The following CSMD1 variants were observed in gnomAD, a reference collection of about 807,000 sequenced individuals.
The protein encoded by CSMD1 is CUB and sushi domain-containing protein 1.
CSMD1 carries 213 observed loss-of-function variants against 417.5 expected under a neutral mutation model. The ratio of observed to expected loss-of-function variants is 0.51; its 90% confidence interval spans 0.46 to 0.57. CSMD1 has a LOEUF of 0.57. Among genes scored for constraint, CSMD1 ranks in the 20% least tolerant of loss-of-function variants. The pLI is 0.00. For missense variants in CSMD1, 6,923 were observed against 4,529.7 expected (o/e 1.53, Z -15.17); for synonymous variants, 2,862 against 1,736.8 (o/e 1.65, Z -16.11).
At chr8:4,412,545 C>T (rs917904622) in intron 3 of CSMD1, among the ~76,000 whole-genome samples, 19 of 152,192 alleles carry the variant, frequency 1.2e-4, no homozygotes, top group Admixed American at 3.9e-4. Flanking sequence ...ACCCAGTCTC[C>T]GGTATTTCTT....
intron 1 of CSMD1, among the ~76,000 whole-genome samples, chr8:4,989,939 G>A (rs771677273): frequency 3.7e-4 from 56 of 152,280 alleles, no homozygotes; most frequent in Non-Finnish European, 6.2e-4. Context: ...CATTGCCCCC[G>A]GGAGGAGCTG....
At chr8:4,199,806 C>G (rs1254428681) in intron 3 of CSMD1, among the ~76,000 whole-genome samples, 1 of 152,056 alleles carries the variant, frequency 6.6e-6, no homozygotes, top group Non-Finnish European at 1.5e-5. Context: ...AATCGGATGA[C>G]TTTTGTAGGT....
At chr8:3,360,716 TA>T (rs951528076) in intron 20 of CSMD1, among the ~76,000 whole-genome samples, 2 of 152,064 alleles carry the variant, frequency 1.3e-5, no homozygotes, top group Non-Finnish European at 2.9e-5. Flanking sequence ...CTAATCTTTC[TA>T]AAAAAAATTA....
intron 2 of CSMD1, among the ~76,000 whole-genome samples, chr8:4,487,816 G>C (rs1010546332): frequency 6.2e-5 from 6 of 96,762 alleles, no homozygotes; most frequent in South Asian, 3.3e-4. Context: ...TTAGGCAAGA[G>C]AGAGATAACA....
At chr8:3,497,752 C>T (rs1036127008) in intron 10 of CSMD1, among the ~76,000 whole-genome samples, 3 of 152,184 alleles carry the variant, frequency 2.0e-5, no homozygotes, top group African/African-American at 4.8e-5. Context: ...TATATTGTCA[C>T]TTGGTTATTT....
chr8:4,919,421 A>G (rs1213640377), intron 1 of CSMD1, among the ~76,000 whole-genome samples: 1 of 152,198 alleles, frequency 6.6e-6, no homozygotes, highest in Non-Finnish European at 1.5e-5. Flanking sequence ...AAAATTTCCA[A>G]TATAATAACA....
At chr8:4,271,852 A>G (rs749489437) in intron 3 of CSMD1, among the ~76,000 whole-genome samples, 3 of 152,174 alleles carry the variant, frequency 2.0e-5, no homozygotes, top group Non-Finnish European at 4.4e-5. Flanking sequence ...TTTGAAAGGC[A>G]CAGTGCATTC....
chr8:3,198,801 T>C (rs1171700149), intron 33 of CSMD1, among the ~76,000 whole-genome samples: 3 of 152,338 alleles, frequency 2.0e-5, no homozygotes, highest in Admixed American at 1.3e-4. Context: ...TCTGGAGGAA[T>C]CTTTATTAAA....
chr8:3,478,624 C>A (rs1193502134), intron 11 of CSMD1, among the ~76,000 whole-genome samples: 1 of 152,114 alleles, frequency 6.6e-6, no homozygotes, highest in Admixed American at 6.5e-5. Flanking sequence ...CTGTTTTCCA[C>A]CCCTGAACAG....
intron 10 of CSMD1, among the ~76,000 whole-genome samples, chr8:3,530,544 T>G (rs1797933321): frequency 6.6e-6 from 1 of 152,170 alleles, no homozygotes; most frequent in African/African-American, 2.4e-5. Context: ...TGTTTTGAGG[T>G]GGAGTCTTGC....
At chr8:4,762,787 G>A (rs759107633) in intron 1 of CSMD1, among the ~76,000 whole-genome samples, 2 of 151,950 alleles carry the variant, frequency 1.3e-5, no homozygotes, top group Non-Finnish European at 2.9e-5. Flanking sequence ...TTTGAAATGA[G>A]GCCAAAAAAA....
intron 3 of CSMD1, among the ~76,000 whole-genome samples, chr8:4,128,405 T>G (rs887318501): frequency 4.6e-5 from 7 of 152,180 alleles, no homozygotes. Flanking sequence ...CTAAAACATC[T>G]GTGATGACTC....
intron 3 of CSMD1, among the ~76,000 whole-genome samples, chr8:4,326,577 C>A (rs1485765001): frequency 6.6e-6 from 1 of 152,102 alleles, no homozygotes; most frequent in Admixed American, 6.6e-5. Flanking sequence ...AGAAGCAATT[C>A]CAAACTTCTT....
chr8:3,916,304 G>C (rs775502375), intron 5 of CSMD1, among the ~76,000 whole-genome samples: 1 of 152,068 alleles, frequency 6.6e-6, no homozygotes, highest in Non-Finnish European at 1.5e-5. Flanking sequence ...AAATCACCTG[G>C]TTCTCAGCAC....
At chr8:3,095,138 T>A (rs1585333932) in intron 47 of CSMD1, among the ~76,000 whole-genome samples, 1 of 152,182 alleles carries the variant, frequency 6.6e-6, no homozygotes. Flanking sequence ...ATGGCCAGTA[T>A]ATTTCAATTC....
chr8:3,824,473 C>T (rs7812367), intron 5 of CSMD1, among the ~76,000 whole-genome samples: 1 of 152,034 alleles, frequency 6.6e-6, no homozygotes, highest in African/African-American at 2.4e-5. Context: ...CCCTAAGTGC[C>T]GTACCTCATA....
intron 7 of CSMD1, among the ~76,000 whole-genome samples, chr8:3,643,863 A>C (rs1213253735): frequency 1.3e-5 from 2 of 152,176 alleles, no homozygotes; most frequent in Non-Finnish European, 2.9e-5. Flanking sequence ...TAGCTTAATG[A>C]ATTAGTTAAT....
chr8:4,802,878 A>G (rs1394001095), intron 1 of CSMD1, among the ~76,000 whole-genome samples: 1 of 152,220 alleles, frequency 6.6e-6, no homozygotes, highest in Non-Finnish European at 1.5e-5. Context: ...ATATCATGTC[A>G]TATCCGTGTG....
chr8:3,957,903 T>G (rs1167989649), intron 5 of CSMD1, among the ~76,000 whole-genome samples: 1 of 152,152 alleles, frequency 6.6e-6, no homozygotes, highest in Non-Finnish European at 1.5e-5. Flanking sequence ...ATAATCTCCT[T>G]TGTTTGGCTG....
Sources: allele counts gnomAD v4.1 joint callset (sites outside exome capture counted in the v4.1 genomes callset), GRCh38; gene constraint gnomAD v4.1.1; transcripts MANE v1.5; gene names NCBI Gene and HGNC (gene_info 2026-07-23, HGNC 2026-07-21).